TRAPPC11: variants seen among roughly 807,000 people sequenced by gnomAD.
TRAPPC11 encodes foie gras homolog.
Under a neutral mutation model 151.2 loss-of-function variants are expected in TRAPPC11, and 104 were observed. The observed-to-expected ratio is 0.69, with a 90% CI of 0.59 to 0.81. The LOEUF (loss-of-function observed/expected upper bound fraction) is 0.81. TRAPPC11 is among the 30% of genes least tolerant of loss of function. TRAPPC11 has a pLI of 0.00. For missense variants in TRAPPC11, 1,230 were observed against 1,349.6 expected (o/e 0.91, Z 1.39); for synonymous variants, 456 against 472.3 (o/e 0.97, Z 0.45).
At chr4:183,665,986 A>C (rs957797594) in intron 2 of TRAPPC11, among the ~76,000 whole-genome samples, 1 of 148,200 alleles carries the variant, frequency 6.7e-6, no homozygotes, top group Non-Finnish European at 1.5e-5. Context: ...ATCATTAGAC[A>C]TGCATCATCG....
At chr4:183,693,210 TG>T (rs1736347401) in intron 20 of TRAPPC11, 63 bp downstream of exon 20, 2 of 1,449,330 alleles carry the variant, frequency 1.4e-6, no homozygotes, top group Admixed American at 4.6e-5. Context: ...CTATTTTTTT[TG>T]GAGACAGAGT....
In TRAPPC11 at chr4:183,677,446, C is replaced by T. The variant is rs943482540; in HGVS notation, c.735-12C>T. On this transcript the variant is annotated splice_polypyrimidine_tract_variant and intron_variant, in intron 7 of 29. Coordinates refer to ENST00000334690, the MANE Select transcript of TRAPPC11 (RefSeq NM_021942.6). The stretch of plus-strand genomic sequence containing the variant: ...AAACTAATTTATATCATTAACCACC[C>T]TCCTCATTTAGGAATTATAGGACCG... 4.1e-6 allele frequency: 6 copies of T among 1,470,732 alleles called. No individual in the cohort carries two copies. Among genetic ancestry groups the T allele is most frequent in the African/African-American group, 2.8e-5 (2 of 71,646 alleles). 91.1% of individuals were successfully genotyped at this position (1,470,732 alleles called of 1,614,324 possible). A position where few individuals can be genotyped will look rare whatever the true frequency, so the allele number is the denominator to read the frequency against.
chr4:183,698,454 T>C (rs1436194121), intron 25 of TRAPPC11, among the ~76,000 whole-genome samples: 3 of 151,992 alleles, frequency 2.0e-5, no homozygotes, highest in African/African-American at 7.3e-5. Context: ...TTTTTCCTTA[T>C]TGTCCTTATT....
chr4:183,694,723 G>A lies in TRAPPC11; in HGVS notation c.2628G>A (p.Lys876=), dbSNP rs767650645. ...AAGAAATTGTTTGCAAGTGTCACAAGGTATTTTTTTATAGCTACTTTATAA... is the reference window on the plus strand; with the variant it reads ...AAGAAATTGTTTGCAAGTGTCACAAAGTATTTTTTTATAGCTACTTTATAA... ...EEKEIVCKCH[K]DETVTIETVF... The change falls in exon 23 of 30, where the codon AAG becomes AAA. Residue 876 remains lysine, a splice_region_variant and synonymous_variant. Coordinates refer to ENST00000334690, the MANE Select transcript of TRAPPC11 (RefSeq NM_021942.6). 2 of 1,602,904 alleles carry A rather than the reference G, an allele frequency of 1.2e-6. No homozygotes were observed. The highest frequency in any genetic ancestry group is 1.7e-6 in the Non-Finnish European group (2 of 1,177,586).
chr4:183,701,773 A>T lies in TRAPPC11; in HGVS notation c.2928A>T (p.Gly976=). The T allele has an allele frequency of 1.2e-6, 2 of 1,613,830 alleles. No individual in the cohort carries two copies. The highest frequency in any genetic ancestry group is 1.7e-6 in the Non-Finnish European group (2 of 1,179,736). ...CATCTCTTGGAAATATTGAAGGTGG[A>T]GTAGCAACCGGGCATTATATTATCT... The part of the protein sequence containing the change: ...QCPSLGNIEG[G]VATGHYIISW... The change falls in exon 26 of 30, where the codon GGA becomes GGT. Residue 976 remains glycine (G), a synonymous_variant. Coordinates refer to ENST00000334690, the MANE Select transcript of TRAPPC11 (RefSeq NM_021942.6).
chr4:183,669,236 A>C (rs1006617077), intron 5 of TRAPPC11, among the ~76,000 whole-genome samples: 4 of 152,242 alleles, frequency 2.6e-5, no homozygotes, highest in Non-Finnish European at 5.9e-5. Flanking sequence ...ATAATTGCTT[A>C]GAATTCAGAG....
At chr4:183,707,444 C>T (rs1388506526) in intron 28 of TRAPPC11, among the ~76,000 whole-genome samples, 3 of 151,950 alleles carry the variant, frequency 2.0e-5, no homozygotes, top group Admixed American at 6.6e-5. Flanking sequence ...TTTGTTCAGT[C>T]AAATCAGGTT....
chr4:183,685,624 A>T (rs1735927788), intron 17 of TRAPPC11, among the ~76,000 whole-genome samples: 1 of 152,192 alleles, frequency 6.6e-6, no homozygotes, highest in Non-Finnish European at 1.5e-5. Context: ...GCTCATTTGT[A>T]GTTCAGGTGT....
At chr4:183,662,064 C>G (rs535429316) in intron 1 of TRAPPC11, among the ~76,000 whole-genome samples, 19 of 152,154 alleles carry the variant, frequency 1.2e-4, no homozygotes, top group South Asian at 8.3e-4. Context: ...TGTGCCTTAC[C>G]TGAATTCTCT....
intron 11 of TRAPPC11, 132 bp from the exon 12 acceptor site, chr4:183,683,843 G>T: frequency 1.3e-6 from 1 of 744,512 alleles, no homozygotes; most frequent in Non-Finnish European, 2.3e-6. Flanking sequence ...GCACCTTTAC[G>T]ATTCTAGAAT....
chr4:183,712,511 T>C, intron 29 of TRAPPC11, 89 bp from the exon 30 acceptor site: 1 of 1,278,622 alleles, frequency 7.8e-7, no homozygotes, highest in South Asian at 1.2e-5. Flanking sequence ...GTAAAACAGT[T>C]TCAAGAATTT....
chr4:183,687,097 C>G, intron 18 of TRAPPC11, among the ~76,000 whole-genome samples: 1 of 152,158 alleles, frequency 6.6e-6, no homozygotes, highest in Non-Finnish European at 1.5e-5. Flanking sequence ...AGGAGAATCA[C>G]TTGAACTCGG....
At chr4:183,682,850 T>C in intron 11 of TRAPPC11, 25 bp downstream of exon 11, 1 of 1,521,978 alleles carries the variant, frequency 6.6e-7, no homozygotes, top group Non-Finnish European at 9.1e-7. Flanking sequence ...CCTCTGTCCT[T>C]TCCTCTCAAC....
intron 1 of TRAPPC11, among the ~76,000 whole-genome samples, chr4:183,663,220 C>T (rs1734648842): frequency 6.6e-6 from 1 of 151,864 alleles, no homozygotes. Flanking sequence ...TGTGTGCCAC[C>T]ATGTCCAGCT....
chr4:183,668,041 T>A lies in TRAPPC11; in HGVS notation c.484T>A (p.Cys162Ser). The change falls in exon 5 of 30, where the codon TGC becomes AGC. Residue 162 changes from cysteine (C) to serine (S), a missense_variant. Physicochemically the swap from Cys to Ser is moderately radical, Grantham distance 112. Transcript: ENST00000334690. The part of the protein sequence containing the change: ...VIASERAAAL[C>S]NACELSGKSL... The stretch of plus-strand genomic sequence containing the variant: ...TGCTTCAGAAAGGGCTGCAGCTTTA[T>A]GCAATGCATGTGAACTCTCAGGAAA... 2 of 1,613,790 alleles carry A rather than the reference T, an allele frequency of 1.2e-6. No individual in the cohort carries two copies. Among genetic ancestry groups the A allele is most frequent in the Non-Finnish European group, 1.7e-6 (2 of 1,179,690 alleles).
At chr4:183,675,670 C>T (rs1452560181) in intron 7 of TRAPPC11, 1 of 152,468 alleles carries the variant, frequency 6.6e-6, no homozygotes, top group Non-Finnish European at 1.5e-5. Flanking sequence ...CGCTAATCTT[C>T]TCCGTGTTGC....
Position 183,682,006 on chromosome 4 carries a change from T to A in TRAPPC11, c.1114-726T>A, listed in dbSNP as rs564910675. ...GGGAATTTGTTAAAATATGCACTAG[T>A]AAGCAGCCATGAAAAATAATGTTTT... On this transcript the variant is annotated intron_variant, in intron 10 of 29. Transcript: ENST00000334690. Among the ~76,000 whole-genome samples the A allele has an allele frequency of 2.1e-3, 316 of 152,298 alleles. 2 individuals carry two copies. The highest frequency in any genetic ancestry group is 7.2e-3 in the African/African-American group (299 of 41,586).
In TRAPPC11 at chr4:183,671,914, C is replaced by A. The variant is rs76490110; in HGVS notation, c.561-2799C>A. On this transcript the variant is annotated intron_variant, in intron 5 of 29. Transcript: ENST00000334690. ...GAGCAGCTCGTAATTAAAAGTTTAACCTAAATTATCTGGTAGGATAAATTC... is the reference window on the plus strand; with the variant it reads ...GAGCAGCTCGTAATTAAAAGTTTAAACTAAATTATCTGGTAGGATAAATTC... Among the ~76,000 whole-genome samples, 28 of 152,270 alleles carry A rather than the reference C, an allele frequency of 1.8e-4. No individual in the cohort carries two copies. In the East Asian group the frequency reaches 3.5e-3, roughly 19 times the overall value.
chr4:183,692,224 G>A (rs1736292541), intron 19 of TRAPPC11, among the ~76,000 whole-genome samples: 1 of 152,154 alleles, frequency 6.6e-6, no homozygotes, highest in African/African-American at 2.4e-5. Flanking sequence ...CATTCATTAA[G>A]TGCTTGTTTT....
Sources: allele counts gnomAD v4.1 joint callset (sites outside exome capture counted in the v4.1 genomes callset), GRCh38; gene constraint gnomAD v4.1.1; transcripts MANE v1.5; gene names NCBI Gene and HGNC (gene_info 2026-07-23, HGNC 2026-07-21).